NPAS3: variants seen among roughly 807,000 people sequenced by gnomAD.
The protein encoded by NPAS3 is neuronal PAS domain protein 3.
Under a neutral mutation model 73.1 loss-of-function variants are expected in NPAS3, and 14 were observed. That is an observed-to-expected ratio of 0.19 (90% CI 0.13 to 0.30). The LOEUF (loss-of-function observed/expected upper bound fraction) is 0.30. Among genes scored for constraint, NPAS3 ranks in the 10% least tolerant of loss-of-function variants. The pLI, the probability that NPAS3 is intolerant of heterozygous loss-of-function variation, is 1.00. For synonymous variants in NPAS3, 620 were observed against 541.5 expected, an observed-to-expected ratio of 1.14 and a Z score of -2.01; for missense variants, 1,096 against 1,250.0, an observed-to-expected ratio of 0.88 and a Z score of 1.86.
intron 2 of NPAS3, among the ~76,000 whole-genome samples, chr14:33,097,625 C>T (rs2042460711): frequency 6.6e-6 from 1 of 152,148 alleles, no homozygotes; most frequent in African/African-American, 2.4e-5. Flanking sequence ...GTGGTTGTAC[C>T]AATCAGCAAT....
intron 2 of NPAS3, among the ~76,000 whole-genome samples, chr14:33,212,613 C>G (rs114448718): frequency 7.2e-4 from 110 of 152,304 alleles, no homozygotes; most frequent in African/African-American, 2.3e-3. Flanking sequence ...TCCCTAGTAT[C>G]TATCCTTTAT....
In NPAS3 at chr14:33,297,164, C is replaced by T. The variant is rs114465448; in HGVS notation, c.386-70022C>T. Among the ~76,000 whole-genome samples the T allele has an allele frequency of 2.0e-3, 302 of 152,260 alleles. 1 individual carries two copies. Among genetic ancestry groups the T allele is most frequent in the African/African-American group, 6.9e-3 (288 of 41,556 alleles). On this transcript the variant is annotated intron_variant, in intron 3 of 11. Transcript: ENST00000356141. ...AACATCGATTTGAAATGCAGACTTC[C>T]TGGTTCTAATCCTAGCTCTGCCATT...
intron 4 of NPAS3, among the ~76,000 whole-genome samples, chr14:33,548,848 G>C (rs1162447766): frequency 6.6e-6 from 1 of 152,194 alleles, no homozygotes; most frequent in East Asian, 1.9e-4. Context: ...AAGAACCTAA[G>C]AAAGGGAGAG....
At chr14:33,749,939 G>T (rs1042992751) in intron 7 of NPAS3, among the ~76,000 whole-genome samples, 4 of 152,142 alleles carry the variant, frequency 2.6e-5, no homozygotes, top group African/African-American at 9.7e-5. Context: ...TGTGTCACAA[G>T]AGCCCAGGAA....
intron 5 of NPAS3, among the ~76,000 whole-genome samples, chr14:33,629,047 C>T (rs1431013911): frequency 3.3e-5 from 5 of 151,828 alleles, no homozygotes; most frequent in East Asian, 3.9e-4. Flanking sequence ...CTGGCTAACA[C>T]GGTGAAACCC....
At chr14:33,347,812 A>G (rs2044817467) in intron 3 of NPAS3, among the ~76,000 whole-genome samples, 2 of 152,210 alleles carry the variant, frequency 1.3e-5, no homozygotes, top group Non-Finnish European at 2.9e-5. Context: ...GTTACATTGT[A>G]TTGCTCAGGG....
At chr14:33,587,700 C>G (rs901846269) in intron 5 of NPAS3, among the ~76,000 whole-genome samples, 3 of 152,148 alleles carry the variant, frequency 2.0e-5, no homozygotes, top group Admixed American at 6.6e-5. Context: ...CTGTAGTATA[C>G]TATAGTGTAT....
chr14:33,331,433 G>A (rs1045324157), intron 3 of NPAS3, among the ~76,000 whole-genome samples: 9 of 152,122 alleles, frequency 5.9e-5, no homozygotes, highest in African/African-American at 2.2e-4. Context: ...AAATAATATG[G>A]TGTGATATCC....
At chr14:33,154,944 C>T (rs74796527) in intron 2 of NPAS3, among the ~76,000 whole-genome samples, 6,230 of 152,158 alleles carry the variant, frequency 0.041, 316 homozygotes, top group African/African-American at 0.12. Flanking sequence ...TAAAGATTTC[C>T]ATGTTTCTAT....
intron 3 of NPAS3, among the ~76,000 whole-genome samples, chr14:33,242,184 A>G (rs906083995): frequency 6.6e-6 from 1 of 152,068 alleles, no homozygotes; most frequent in East Asian, 1.9e-4. Context: ...TGAGCAGAAT[A>G]AAGAATAGAG....
At chr14:33,555,010 G>A (rs1453151670) in intron 4 of NPAS3, among the ~76,000 whole-genome samples, 1 of 149,088 alleles carries the variant, frequency 6.7e-6, no homozygotes, top group Admixed American at 6.6e-5. Context: ...TATAATTACA[G>A]GCTTTATTAT....
chr14:33,223,241 G>A (rs1490587721), intron 3 of NPAS3, among the ~76,000 whole-genome samples: 3 of 152,128 alleles, frequency 2.0e-5, no homozygotes, highest in Admixed American at 6.5e-5. Flanking sequence ...AACGTGGGAG[G>A]CAGGGGTTGC....
At chr14:33,183,427 T>G (rs1291405853) in intron 2 of NPAS3, among the ~76,000 whole-genome samples, 2 of 31,452 alleles carry the variant, frequency 6.4e-5, no homozygotes, top group Non-Finnish European at 1.3e-4. Context: ...CTCTGTTTTT[T>G]TTTTTTTTTT....
chr14:33,676,269 T>C, exon 6 of NPAS3: 1 of 1,613,858 alleles, frequency 6.2e-7, no homozygotes, highest in African/African-American at 1.3e-5. Flanking sequence ...CACGTGGAGA[T>C]GGCTGAGCAG....
chr14:33,451,607 A>C (rs1183414172), intron 4 of NPAS3, among the ~76,000 whole-genome samples: 1 of 152,240 alleles, frequency 6.6e-6, no homozygotes, highest in African/African-American at 2.4e-5. Context: ...ATGTATAACA[A>C]ATATTAAAAA....
intron 6 of NPAS3, among the ~76,000 whole-genome samples, chr14:33,701,321 A>AT (rs2060517848): frequency 6.6e-6 from 1 of 152,232 alleles, no homozygotes; most frequent in African/African-American, 2.4e-5. Context: ...CATTGATCTC[A>AT]TGGTTTAAAC....
chr14:33,174,848 G>A (rs1253723378), intron 2 of NPAS3, among the ~76,000 whole-genome samples: 1 of 152,200 alleles, frequency 6.6e-6, no homozygotes, highest in Non-Finnish European at 1.5e-5. Flanking sequence ...TAGCAGCGAT[G>A]GCGGGATTTG....
chr14:33,544,968 A>G (rs1156808249), intron 4 of NPAS3, among the ~76,000 whole-genome samples: 1 of 149,896 alleles, frequency 6.7e-6, no homozygotes, highest in African/African-American at 2.5e-5. Context: ...TTTTTCTCCT[A>G]TGTCTCTGTT....
Position 33,273,149 on chromosome 14 carries a change from C to G in NPAS3, c.385+57723C>G, listed in dbSNP as rs138567266. Among the ~76,000 whole-genome samples, 16 of 152,278 alleles carry G rather than the reference C, an allele frequency of 1.1e-4. No individual in the cohort carries two copies. The East Asian group carries it at 2.7e-3, about 26-fold the overall frequency. ...GTGTGTGGCTTGACTCCTCTGGGAG[C>G]CTTTGACTGTGTGGGCTGTCCCCTG... On this transcript the variant is annotated intron_variant, in intron 3 of 11. Coordinates refer to ENST00000356141, the Ensembl canonical transcript of NPAS3.
Sources: gnomAD v4.1 joint callset for allele counts (sites outside exome capture counted in the v4.1 genomes callset) on GRCh38, gnomAD v4.1.1 for gene constraint, MANE v1.5 for transcripts, NCBI Gene and HGNC (gene_info 2026-07-23, HGNC 2026-07-21) for gene names.